The following PRSS23 variants were observed in gnomAD, a reference collection of about 807,000 sequenced individuals.
The protein encoded by PRSS23 is protease, serine 23.
PRSS23 carries 25 observed loss-of-function variants against 34.7 expected under a neutral mutation model. That is an observed-to-expected ratio of 0.72 (90% confidence interval 0.53 to 1.01). PRSS23 has a LOEUF of 1.01. PRSS23 is among the 50% of genes least tolerant of loss of function. The probability of loss-of-function intolerance (pLI) is 0.00; values close to 1 mark genes in which losing one functional copy is unlikely to be tolerated. For synonymous variants in PRSS23, 176 were observed against 186.6 expected (o/e 0.94, Z 0.46); for missense variants, 445 against 475.6 (o/e 0.94, Z 0.60).
intron 1 of PRSS23, among the ~76,000 whole-genome samples, chr11:86,819,593 C>T (rs1408123513): frequency 6.6e-6 from 1 of 152,112 alleles, no homozygotes; most frequent in African/African-American, 2.4e-5. Context: ...ACAGTAATGA[C>T]TGTGGCTGGT....
At chr11:86,925,942 GA>G (rs35480848) in intron 2 of PRSS23, among the ~76,000 whole-genome samples, 12 of 152,184 alleles carry the variant, frequency 7.9e-5, no homozygotes, top group Admixed American at 3.3e-4. Context: ...TATTCAAACT[GA>G]AAATGAGTTG....
intron 2 of PRSS23, among the ~76,000 whole-genome samples, chr11:86,827,351 A>G (rs1948310584): frequency 6.6e-6 from 1 of 152,088 alleles, no homozygotes; most frequent in African/African-American, 2.4e-5. Context: ...CTCCTTTATC[A>G]TTTTTTATTG....
chr11:86,798,625 T>G (rs1429761114), upstream of PRSS23, among the ~76,000 whole-genome samples: 1 of 152,218 alleles, frequency 6.6e-6, no homozygotes, highest in South Asian at 2.1e-4. Context: ...TGGAAGAAAA[T>G]TTTTATAAAT....
chr11:86,899,050 G>A (rs1205150324), intron 2 of PRSS23, among the ~76,000 whole-genome samples: 2 of 152,098 alleles, frequency 1.3e-5, no homozygotes, highest in Non-Finnish European at 2.9e-5. Context: ...CTGCCACCAT[G>A]TTCATAGGGT....
At chr11:86,854,137 A>T (rs1227452378) in intron 2 of PRSS23, among the ~76,000 whole-genome samples, 1 of 152,046 alleles carries the variant, frequency 6.6e-6, no homozygotes, top group Non-Finnish European at 1.5e-5. Flanking sequence ...GCTAGCTGGG[A>T]CTATAGGCAT....
chr11:86,807,298 T>A (rs754596438), intron 1 of PRSS23, among the ~76,000 whole-genome samples: 3 of 152,058 alleles, frequency 2.0e-5, no homozygotes, highest in Non-Finnish European at 4.4e-5. Flanking sequence ...GGCTCAAAAT[T>A]ACGTGGAAAT....
At chr11:86,799,281 G>A (rs921992233), upstream of PRSS23, among the ~76,000 whole-genome samples, 3 of 152,174 alleles carry the variant, frequency 2.0e-5, no homozygotes, top group South Asian at 2.1e-4. Context: ...ACAATAATGT[G>A]TTCAGGGCTT....
rs149091782 is a variant in PRSS23 at position 86,875,641 on chromosome 11, C to T, written c.206+52048C>T. On this transcript the variant is annotated intron_variant, in intron 2 of 2. Coordinates refer to the PRSS23 transcript ENST00000533902. ...CACTCTTTCTTGACTAACAACCCTT[C>T]GATTAAAAATTTAAGCAACTGCGTA... Among the ~76,000 whole-genome samples, 1,441 of 152,258 alleles carry T rather than the reference C, an allele frequency of 9.5e-3. 25 individuals carry two copies. The highest frequency in any genetic ancestry group is 0.032 in the African/African-American group (1,328 of 41,546).
At chr11:86,847,933 T>C (rs1948499909) in intron 2 of PRSS23, among the ~76,000 whole-genome samples, 1 of 152,136 alleles carries the variant, frequency 6.6e-6, no homozygotes, top group Non-Finnish European at 1.5e-5. Context: ...TACCTCCATA[T>C]TCAGGGCCTC....
intron 2 of PRSS23, among the ~76,000 whole-genome samples, chr11:86,874,858 G>T (rs73512476): frequency 0.087 from 13,175 of 152,184 alleles, 620 homozygotes; most frequent in East Asian, 0.19. Context: ...TCATCTGGAG[G>T]CTTCTTCACT....
intron 2 of PRSS23, chr11:86,910,236 C>T (rs1377432319): frequency 6.6e-6 from 1 of 152,146 alleles, no homozygotes; most frequent in Non-Finnish European, 1.5e-5. Flanking sequence ...AATATTTCAT[C>T]AGGAGATAAT....
chr11:86,798,455 G>A (rs73520706), upstream of PRSS23, among the ~76,000 whole-genome samples: 2,070 of 152,296 alleles, frequency 0.014, 46 homozygotes, highest in African/African-American at 0.047. Flanking sequence ...TAGATGGAAC[G>A]AAGGAAAGAG....
intron 1 of PRSS23, among the ~76,000 whole-genome samples, chr11:86,793,938 ATAAGT>A (rs1163796392): frequency 2.0e-5 from 3 of 152,164 alleles, no homozygotes; most frequent in Non-Finnish European, 4.4e-5. Context: ...TCTAAAAAAC[ATAAGT>A]TAAACTTACA....
At chr11:86,850,837 C>A (rs1208796240) in intron 2 of PRSS23, among the ~76,000 whole-genome samples, 1 of 152,222 alleles carries the variant, frequency 6.6e-6, no homozygotes, top group African/African-American at 2.4e-5. Context: ...CAGTTTTCCT[C>A]AAAATCTAAG....
At position 86,947,436 on chromosome 11, in the gene PRSS23, T is replaced by C. The variant is rs1025770136; in HGVS notation, c.207-3780T>C. The stretch of plus-strand genomic sequence containing the variant: ...TCAATACAATAAGCATTTAATTCAG[T>C]GACCATGAGGATGAGGGGAGCCAGA... On this transcript the variant is annotated intron_variant, in intron 2 of 2. Coordinates refer to the PRSS23 transcript ENST00000533902. 3 of 152,222 alleles carry C rather than the reference T, an allele frequency of 2.0e-5. No homozygotes were observed. In the East Asian group the frequency reaches 5.8e-4, roughly 29 times the overall value. The allele number at this position is 152,222 out of a possible 1,614,324, so 9.4% of individuals were successfully genotyped here.
chr11:86,886,162 G>A (rs569820327), intron 2 of PRSS23, among the ~76,000 whole-genome samples: 39 of 152,282 alleles, frequency 2.6e-4, no homozygotes, highest in African/African-American at 9.4e-4. Context: ...CCAGGAGATT[G>A]AGGCCAGCCT....
intron 2 of PRSS23, chr11:86,911,976 T>A (rs1948981319): frequency 6.6e-6 from 1 of 152,196 alleles, no homozygotes; most frequent in South Asian, 2.1e-4. Flanking sequence ...AGGGTTTCCC[T>A]ATGTTGCCCA....
At chr11:86,877,682 T>C (rs1274551401) in intron 2 of PRSS23, among the ~76,000 whole-genome samples, 3 of 152,220 alleles carry the variant, frequency 2.0e-5, no homozygotes, top group African/African-American at 4.8e-5. Context: ...CTATTCCATC[T>C]GTCTTTATGT....
At chr11:86,833,158 A>T (rs748330122) in intron 2 of PRSS23, 6 of 842,532 alleles carry the variant, frequency 7.1e-6, no homozygotes, top group Admixed American at 3.7e-5. Context: ...AAAGAGAGAC[A>T]TCTGAGTCAG....
Sources: allele counts gnomAD v4.1 joint callset (sites outside exome capture counted in the v4.1 genomes callset), GRCh38; gene constraint gnomAD v4.1.1; transcripts MANE v1.5; gene names NCBI Gene and HGNC (gene_info 2026-07-23, HGNC 2026-07-21).